The following BCAR1 variants were observed in gnomAD, a reference collection of about 807,000 sequenced individuals.
BCAR1 encodes BCAR1 scaffold protein, Cas family member.
BCAR1 carries 30 observed loss-of-function variants against 67.6 expected under a neutral mutation model. That is an observed-to-expected ratio of 0.44 (90% confidence interval 0.33 to 0.60). The LOEUF (loss-of-function observed/expected upper bound fraction) is 0.60, where lower values mean the gene tolerates loss of function less well. BCAR1 is among the 20% of genes least tolerant of loss of function. The probability of loss-of-function intolerance (pLI) is 0.02; values close to 1 mark genes in which losing one functional copy is unlikely to be tolerated. For missense variants in BCAR1, 1,313 were observed against 1,222.3 expected (o/e 1.07, Z -1.11); for synonymous variants, 626 against 556.7 (o/e 1.12, Z -1.75).
At chr16:75,245,935 G>C (rs977796542) in intron 1 of BCAR1, 1 of 139,656 alleles carries the variant, frequency 7.2e-6, no homozygotes, top group Non-Finnish European at 1.5e-5. Flanking sequence ...CTCTCTGCTG[G>C]ATGACAGCCC....
intron 1 of BCAR1, chr16:75,246,720 T>C: frequency 6.6e-6 from 1 of 152,464 alleles, no homozygotes; most frequent in Non-Finnish European, 1.5e-5. Context: ...CCCCAAGCAT[T>C]CCTGCTCTGG....
intron 1 of BCAR1, among the ~76,000 whole-genome samples, chr16:75,243,993 GGGGTGAGACAA>G (rs2077437987): frequency 6.6e-6 from 1 of 152,230 alleles, no homozygotes; most frequent in Non-Finnish European, 1.5e-5. Context: ...AGGGAGGCAC[GGGGTGAGACAA>G]GGCCAGGGCT....
At chr16:75,251,893 C>CAA, upstream of BCAR1, 1 of 364,878 alleles carries the variant, frequency 2.7e-6, no homozygotes. Flanking sequence ...CCCCGCCTTC[C>CAA]ACCCAGGCGA....
chr16:75,253,550 C>G (rs1230065828), upstream of BCAR1, among the ~76,000 whole-genome samples: 1 of 152,184 alleles, frequency 6.6e-6, no homozygotes, highest in East Asian at 1.9e-4. Context: ...ATTAGAACAG[C>G]ACTGGGGGTG....
At chr16:75,264,382 T>C (rs930158483) in intron 1 of BCAR1, 20 of 1,531,978 alleles carry the variant, frequency 1.3e-5, no homozygotes, top group Middle Eastern at 1.7e-4. Flanking sequence ...TGGTCCGCCT[T>C]GTCCCTCTGC....
intron 6 of BCAR1, among the ~76,000 whole-genome samples, chr16:75,232,798 C>T (rs1469399278): frequency 6.6e-6 from 1 of 152,200 alleles, no homozygotes; most frequent in African/African-American, 2.4e-5. Flanking sequence ...TCTCACCGAG[C>T]TCTCATGAGG....
In BCAR1 at chr16:75,228,576, G is replaced by C. The variant is rs1330889500; in HGVS notation, c.*935C>G. 6.6e-6 allele frequency: 1 copy of C among 152,336 alleles called. No individual in the cohort carries two copies. Among genetic ancestry groups the C allele is most frequent in the Non-Finnish European group, 1.5e-5 (1 of 68,114 alleles). 9.4% of individuals were successfully genotyped at this position (152,336 alleles called of 1,614,324 possible). ...GTGCACTTCGGGAGTTCCGCAGGCT[G>C]GGATGAGATTCTTTTAAGCAGAGCT... On this transcript the variant is annotated 3_prime_UTR_variant, in exon 7 of 7. Coordinates refer to ENST00000162330, the MANE Select transcript of BCAR1 (RefSeq NM_014567.5).
chr16:75,252,221 C>T (rs998887354), upstream of BCAR1: 4 of 1,536,524 alleles, frequency 2.6e-6, no homozygotes, highest in African/African-American at 5.5e-5. Flanking sequence ...GCGCTTTTCA[C>T]GGGCAGCACC....
At chr16:75,242,195 C>T (rs913968908) in intron 2 of BCAR1, among the ~76,000 whole-genome samples, 2 of 152,244 alleles carry the variant, frequency 1.3e-5, no homozygotes, top group South Asian at 2.1e-4. Flanking sequence ...CCCACTGGAA[C>T]GCCTCAACAG....
At chr16:75,264,329 A>T in intron 1 of BCAR1, 1 of 1,479,466 alleles carries the variant, frequency 6.8e-7, no homozygotes, top group Admixed American at 2.4e-5. Flanking sequence ...GACATTCCCT[A>T]ATCACTACTG....
At chr16:75,255,344 G>A (rs557929833), upstream of BCAR1, among the ~76,000 whole-genome samples, 3 of 152,246 alleles carry the variant, frequency 2.0e-5, no homozygotes, top group South Asian at 6.2e-4. Flanking sequence ...AGCACTGCCA[G>A]CCCCAGGAAC....
intron 1 of BCAR1, among the ~76,000 whole-genome samples, chr16:75,250,379 G>A (rs1196424858): frequency 6.6e-6 from 1 of 152,222 alleles, no homozygotes; most frequent in Non-Finnish European, 1.5e-5. Flanking sequence ...TCCACCGAGG[G>A]AAAGGAATGG....
Position 75,237,253 on chromosome 16 carries a change from G to A in BCAR1, c.725C>T (p.Ala242Val). The A allele has an allele frequency of 1.3e-6, 2 of 1,528,430 alleles. No individual in the cohort carries two copies. Among genetic ancestry groups the A allele is most frequent in the Admixed American group, 2.3e-5 (1 of 43,506 alleles). 94.7% of individuals were successfully genotyped at this position (1,528,430 alleles called of 1,614,324 possible). A position where few individuals can be genotyped will look rare whatever the true frequency, so the allele number is the denominator to read the frequency against. ...ATCATAGATGTCCTGTGGCCCCGGGGCCAGCAGGTGTCGCGGGATGTCGTA... is the reference window on the plus strand; with the variant it reads ...ATCATAGATGTCCTGTGGCCCCGGGACCAGCAGGTGTCGCGGGATGTCGTA... ...DEYDIPRHLL[A>V]PGPQDIYDVP... Residue 242 changes from alanine to valine, a missense_variant, in exon 3 of 7, where the codon GCC becomes GTC. Transcript: ENST00000162330.
chr16:75,240,524 C>A (rs1324213204), intron 2 of BCAR1, among the ~76,000 whole-genome samples: 1 of 152,176 alleles, frequency 6.6e-6, no homozygotes, highest in African/African-American at 2.4e-5. Flanking sequence ...CTTTGAAATG[C>A]AAAACTGCAT....
intron 1 of BCAR1, chr16:75,263,527 G>C: frequency 1.0e-6 from 1 of 985,396 alleles, no homozygotes. Context: ...CTCTGGGTCC[G>C]GGACTGCATG....
At chr16:75,250,378 G>A (rs1414113756) in intron 1 of BCAR1, among the ~76,000 whole-genome samples, 2 of 152,210 alleles carry the variant, frequency 1.3e-5, no homozygotes, top group African/African-American at 4.8e-5. Context: ...CTCCACCGAG[G>A]GAAAGGAATG....
intron 2 of BCAR1, chr16:75,239,124 GA>G: frequency 1.0e-6 from 1 of 984,522 alleles, no homozygotes; most frequent in Middle Eastern, 5.2e-4. Context: ...TAGAAAAACA[GA>G]GCAACGCAGC....
In BCAR1 at chr16:75,235,861, C is replaced by G. The variant is rs2077106729; in HGVS notation, c.1038G>C (p.Leu346=). Residue 346 remains leucine (L), a synonymous_variant, in exon 5 of 7, where the codon CTG becomes CTC. Transcript: ENST00000162330. ...AKPFDPARTP[L]VLAAPPPDSP... The stretch of plus-strand genomic sequence containing the variant: ...AGTCTGGAGGGGGCGCAGCCAGTAC[C>G]AGTGGGGTGCGGGCCGGGTCAAAGG... 1 of 1,565,980 alleles carries G rather than the reference C, an allele frequency of 6.4e-7. No homozygotes were observed. Among genetic ancestry groups the G allele is most frequent in the East Asian group, 2.4e-5 (1 of 42,334 alleles).
intron 2 of BCAR1, chr16:75,238,297 T>G (rs542714714): frequency 1.7e-6 from 2 of 1,151,554 alleles, no homozygotes; most frequent in South Asian, 3.3e-5. Flanking sequence ...CCGGGCACAC[T>G]GCGCCCACAC....
Sources: allele counts gnomAD v4.1 joint callset (sites outside exome capture counted in the v4.1 genomes callset), GRCh38; gene constraint gnomAD v4.1.1; transcripts MANE v1.5; gene names NCBI Gene and HGNC (gene_info 2026-07-23, HGNC 2026-07-21).